The following HS2ST1 variants were observed in gnomAD, a reference collection of about 807,000 sequenced individuals.
HS2ST1 encodes heparan sulfate 2-O-sulfotransferase 1, also known as 2-O-sulfotransferase.
A neutral mutation model predicts 42.9 loss-of-function variants in HS2ST1; 18 were observed. The observed-to-expected ratio is 0.42, with a 90% CI of 0.29 to 0.62. HS2ST1 has a LOEUF of 0.62. Ranked by LOEUF, HS2ST1 falls within the 20% of genes least tolerant of loss-of-function variation. The pLI, the probability that HS2ST1 is intolerant of heterozygous loss-of-function variation, is 0.21. For synonymous variants in HS2ST1, 146 were observed against 152.9 expected (o/e 0.95, Z 0.33); for missense variants, 334 against 433.8 (o/e 0.77, Z 2.04).
chr1:87,011,684 T>C (rs1374929148), intron 1 of HS2ST1, among the ~76,000 whole-genome samples: 1 of 152,252 alleles, frequency 6.6e-6, no homozygotes, highest in Non-Finnish European at 1.5e-5. Context: ...CTGTCTTACC[T>C]AACAAAATCA....
chr1:87,045,570 TTC>T, intron 1 of HS2ST1: 1 of 792,348 alleles, frequency 1.3e-6, no homozygotes, highest in South Asian at 1.3e-5. Flanking sequence ...CACAAGAAAC[TTC>T]TTTCTTGGAT....
chr1:87,025,247 G>A (rs763808417), intron 1 of HS2ST1, among the ~76,000 whole-genome samples: 38 of 152,320 alleles, frequency 2.5e-4, no homozygotes, highest in African/African-American at 7.9e-4. Context: ...CCTGCCTGGC[G>A]GCTGTTGCTA....
chr1:87,087,900 C>T (rs1288358240), intron 3 of HS2ST1, among the ~76,000 whole-genome samples: 1 of 152,072 alleles, frequency 6.6e-6, no homozygotes, highest in East Asian at 1.9e-4. Context: ...GCCATTAAAT[C>T]CACTTAGACT....
At chr1:87,100,909 A>C (rs1570548440) in intron 5 of HS2ST1, among the ~76,000 whole-genome samples, 1 of 152,244 alleles carries the variant, frequency 6.6e-6, no homozygotes, top group East Asian at 1.9e-4. Flanking sequence ...CCTGTCTTTA[A>C]AACAAAAAAC....
At chr1:87,046,122 A>C in intron 1 of HS2ST1, 1 of 690,802 alleles carries the variant, frequency 1.4e-6, no homozygotes, top group South Asian at 1.4e-5. Flanking sequence ...TATATTGGTT[A>C]TGAATGCTTT....
chr1:87,054,207 T>G (rs1488235406), intron 1 of HS2ST1, among the ~76,000 whole-genome samples: 1 of 152,200 alleles, frequency 6.6e-6, no homozygotes, highest in East Asian at 1.9e-4. Context: ...ATAGCCTATT[T>G]TGGCCATTAC....
At position 87,103,677 on chromosome 1, in the gene HS2ST1, C is replaced by T. The variant is rs1300182824; in HGVS notation, c.844+88C>T. On this transcript the variant is annotated intron_variant, in intron 6 of 6. Transcript: ENST00000370550. The stretch of plus-strand genomic sequence containing the variant: ...GTAAATATGTGATTTGAAGTTTCTT[C>T]AGTGAAACACAACAGATAGCTCCAG... The T allele has an allele frequency of 7.3e-6, 8 of 1,100,756 alleles. No individual in the cohort carries two copies. The South Asian group carries it at 7.7e-5, about 11-fold the overall frequency. The allele number at this position is 1,100,756 out of a possible 1,614,324, so 68.2% of individuals were successfully genotyped here.
rs534924263 is a variant in HS2ST1, at chr1:86,970,717, G to A, written c.124+55557G>A. On this transcript the variant is annotated intron_variant, in intron 1 of 6. Coordinates refer to ENST00000370550, the MANE Select transcript of HS2ST1 (RefSeq NM_012262.4). The stretch of plus-strand genomic sequence containing the variant: ...CCTGTAATTTTTATTTAATTTTTCC[G>A]GTGATGGCATGAGTGAATGTCCACA... 1.9e-4 allele frequency among the ~76,000 whole-genome samples: 29 copies of A among 152,106 alleles called. 1 individual carries two copies. In the South Asian group the frequency reaches 5.2e-3, roughly 27 times the overall value.
At chr1:87,024,242 C>G (rs1650027840) in intron 1 of HS2ST1, among the ~76,000 whole-genome samples, 1 of 152,072 alleles carries the variant, frequency 6.6e-6, no homozygotes. Flanking sequence ...TGGCTCACAC[C>G]TATAATCCCA....
At chr1:87,104,344 T>C (rs953291279) in intron 6 of HS2ST1, 126 bp from the exon 7 acceptor site, 17 of 655,248 alleles carry the variant, frequency 2.6e-5, no homozygotes, top group Non-Finnish European at 4.3e-5. Context: ...CTGAATTATA[T>C]AAGACAATTA....
chr1:87,106,077 G>T lies in HS2ST1; in HGVS notation c.*1381G>T, dbSNP rs1652318428. On this transcript the variant is annotated 3_prime_UTR_variant, in exon 7 of 7. Coordinates refer to ENST00000370550, the MANE Select transcript of HS2ST1 (RefSeq NM_012262.4). ...GGCATGTGAAAGCACTTTGAAAATT[G>T]TAAAGCGCTATGTAAATGTAAGGTA... 6.6e-6 allele frequency: 1 copy of T among 152,452 alleles called. No individual in the cohort carries two copies. Among genetic ancestry groups the T allele is most frequent in the African/African-American group, 2.4e-5 (1 of 41,426 alleles). The allele number at this position is 152,452 out of a possible 1,614,324, so 9.4% of individuals were successfully genotyped here.
chr1:86,942,830 C>T (rs1660791285), intron 1 of HS2ST1, among the ~76,000 whole-genome samples: 1 of 152,130 alleles, frequency 6.6e-6, no homozygotes, highest in Non-Finnish European at 1.5e-5. Context: ...ACTCTTCCCC[C>T]AAATTAGCTT....
At chr1:87,032,746 A>T (rs1477844328) in intron 1 of HS2ST1, among the ~76,000 whole-genome samples, 4 of 152,076 alleles carry the variant, frequency 2.6e-5, no homozygotes, top group Non-Finnish European at 5.9e-5. Context: ...TTTTTCAATT[A>T]TTTGGACAGT....
In HS2ST1 at chr1:87,073,303, G is replaced by A. The variant is rs540422012; in HGVS notation, c.363+131G>A. 14 of 678,170 alleles carry A rather than the reference G, an allele frequency of 2.1e-5. No individual in the cohort carries two copies. The Admixed American group carries it at 2.6e-4, about 13-fold the overall frequency. 42.0% of individuals were successfully genotyped at this position (678,170 alleles called of 1,614,324 possible). A position where few individuals can be genotyped will look rare whatever the true frequency, so the allele number is the denominator to read the frequency against. On this transcript the variant is annotated intron_variant, in intron 2 of 6. Coordinates refer to ENST00000370550, the MANE Select transcript of HS2ST1 (RefSeq NM_012262.4). Reference sequence around the variant, plus strand: ...AGTGGATCATAAGCCTTTTAGGGGAGAGGGCCAGCTAACTTTTGTATAATT... The same window carrying A: ...AGTGGATCATAAGCCTTTTAGGGGAAAGGGCCAGCTAACTTTTGTATAATT...
intron 1 of HS2ST1, among the ~76,000 whole-genome samples, chr1:86,924,266 A>G (rs1660365283): frequency 6.6e-6 from 1 of 152,324 alleles, no homozygotes; most frequent in South Asian, 2.1e-4. Flanking sequence ...TTGGCTTTGC[A>G]TGATATAGCC....
At chr1:87,050,052 TG>T (rs1413995953) in intron 1 of HS2ST1, among the ~76,000 whole-genome samples, 1 of 152,054 alleles carries the variant, frequency 6.6e-6, no homozygotes. Context: ...GTCATGAATA[TG>T]GCTACACCAG....
chr1:87,018,150 A>G (rs1242135386), intron 1 of HS2ST1, among the ~76,000 whole-genome samples: 1 of 151,120 alleles, frequency 6.6e-6, no homozygotes, highest in Non-Finnish European at 1.5e-5. Flanking sequence ...ACACACACAC[A>G]CACACACACA....
chr1:87,021,648 G>A (rs756862546), intron 1 of HS2ST1, among the ~76,000 whole-genome samples: 5 of 151,992 alleles, frequency 3.3e-5, no homozygotes, highest in Admixed American at 6.6e-5. Context: ...CTGAGTAGTC[G>A]GAACTACAAG....
At chr1:86,988,782 A>G (rs1031411550) in intron 1 of HS2ST1, among the ~76,000 whole-genome samples, 1 of 152,228 alleles carries the variant, frequency 6.6e-6, no homozygotes, top group Non-Finnish European at 1.5e-5. Flanking sequence ...AATGATTGGC[A>G]AGCCAATTCC....
Sources: gnomAD v4.1 joint callset for allele counts (sites outside exome capture counted in the v4.1 genomes callset) on GRCh38, gnomAD v4.1.1 for gene constraint, MANE v1.5 for transcripts, NCBI Gene and HGNC (gene_info 2026-07-23, HGNC 2026-07-21) for gene names.